CDC42BPA: variants seen among roughly 807,000 people sequenced by gnomAD.
CDC42BPA encodes the protein serine/threonine-protein kinase MRCK alpha.
Under a neutral mutation model 223.5 loss-of-function variants are expected in CDC42BPA, and 80 were observed. The observed-to-expected ratio is 0.36, with a 90% CI of 0.30 to 0.43. The LOEUF (loss-of-function observed/expected upper bound fraction) is 0.43. CDC42BPA is among the 20% of genes least tolerant of loss of function. The probability of loss-of-function intolerance (pLI) is 1.00; values close to 1 mark genes in which losing one functional copy is unlikely to be tolerated. For missense variants in CDC42BPA, 1,743 were observed against 2,099.9 expected (o/e 0.83, Z 3.32); for synonymous variants, 694 against 718.6 (o/e 0.97, Z 0.55).
chr1:227,193,087 G>GTTTTCT (rs1452125178), intron 5 of CDC42BPA, among the ~76,000 whole-genome samples: 1 of 118,504 alleles, frequency 8.4e-6, no homozygotes, highest in Non-Finnish European at 1.7e-5. Context: ...TTTTTTTTTG[G>GTTTTCT]AGACAGAGTC....
chr1:227,010,997 G>A (rs1403794247), intron 34 of CDC42BPA: 11 of 1,361,712 alleles, frequency 8.1e-6, no homozygotes, highest in Non-Finnish European at 1.1e-5. Context: ...TGATAGATGT[G>A]TTCAAAGTTG....
chr1:227,270,898 G>T (rs1375915707), intron 1 of CDC42BPA, among the ~76,000 whole-genome samples: 2 of 152,182 alleles, frequency 1.3e-5, no homozygotes, highest in East Asian at 3.8e-4. Context: ...TGCACAGCAT[G>T]TGTCAGAAAT....
chr1:227,145,437 C>A, intron 8 of CDC42BPA, 52 bp downstream of exon 8: 2 of 1,521,248 alleles, frequency 1.3e-6, no homozygotes, highest in Non-Finnish European at 1.8e-6. Context: ...TACTATATAA[C>A]CATAGTAGAA....
intron 1 of CDC42BPA, among the ~76,000 whole-genome samples, chr1:227,275,832 A>G (rs12741049): frequency 0.15 from 22,845 of 152,196 alleles, 2,087 homozygotes; most frequent in African/African-American, 0.24. Context: ...TCCAGCTCCT[A>G]ACCGCGAGTG....
chr1:227,113,854 A>C (rs1302000249), intron 12 of CDC42BPA, among the ~76,000 whole-genome samples: 1 of 149,686 alleles, frequency 6.7e-6, no homozygotes, highest in Admixed American at 6.7e-5. Context: ...CTCTACAAAA[A>C]ATAACAATGT....
At chr1:227,193,678 C>A in intron 5 of CDC42BPA, 108 bp downstream of exon 5, 2 of 916,440 alleles carry the variant, frequency 2.2e-6, no homozygotes, top group South Asian at 2.3e-5. Flanking sequence ...TTTTGGTTGA[C>A]GATAAATGTA....
chr1:227,258,939 T>C (rs16847534), intron 1 of CDC42BPA, among the ~76,000 whole-genome samples: 1,808 of 151,098 alleles, frequency 0.012, 156 homozygotes, highest in African/African-American at 0.042. Context: ...TTGACAAAAA[T>C]CAAGGGCATA....
chr1:227,070,370 A>G (rs1298235659), intron 20 of CDC42BPA, among the ~76,000 whole-genome samples: 1 of 151,112 alleles, frequency 6.6e-6, no homozygotes, highest in African/African-American at 2.4e-5. Flanking sequence ...TGAAGACTCC[A>G]AACCCCAGTT....
chr1:227,309,612 C>T (rs1388676965), intron 1 of CDC42BPA, among the ~76,000 whole-genome samples: 1 of 152,130 alleles, frequency 6.6e-6, no homozygotes, highest in Non-Finnish European at 1.5e-5. Flanking sequence ...ATGATATTTT[C>T]CTCTTAAAAA....
intron 10 of CDC42BPA, among the ~76,000 whole-genome samples, chr1:227,130,812 G>GC (rs1295989821): frequency 6.6e-6 from 1 of 152,108 alleles, no homozygotes; most frequent in Non-Finnish European, 1.5e-5. Flanking sequence ...CTGAGATCAT[G>GC]CCACTACACC....
At chr1:227,179,525 A>G (rs943411000) in intron 5 of CDC42BPA, among the ~76,000 whole-genome samples, 6 of 149,404 alleles carry the variant, frequency 4.0e-5, no homozygotes, top group African/African-American at 1.2e-4. Context: ...AGTCCCAGCT[A>G]CTCAGGAGGC....
At chr1:227,234,884 C>T (rs1368089927) in intron 2 of CDC42BPA, 1 of 151,724 alleles carries the variant, frequency 6.6e-6, no homozygotes, top group Non-Finnish European at 1.5e-5. Flanking sequence ...AATACGTAAA[C>T]TTTCTTAAAA....
intron 4 of CDC42BPA, among the ~76,000 whole-genome samples, chr1:227,196,171 C>A (rs1670647898): frequency 6.6e-6 from 1 of 151,586 alleles, no homozygotes; most frequent in Non-Finnish European, 1.5e-5. Context: ...AGTTATGTGT[C>A]CCAAAATGAG....
At chr1:227,047,862 A>T in intron 23 of CDC42BPA, 65 bp downstream of exon 23, 2 of 834,692 alleles carry the variant, frequency 2.4e-6, no homozygotes, top group East Asian at 2.5e-5. Flanking sequence ...AATCACAGCA[A>T]ATGCATAGAG....
At chr1:227,310,641 GAAGAA>G (rs1271439577) in intron 1 of CDC42BPA, among the ~76,000 whole-genome samples, 1 of 151,732 alleles carries the variant, frequency 6.6e-6, no homozygotes, top group Non-Finnish European at 1.5e-5. Context: ...CATTAATGGA[GAAGAA>G]AAGGAAGTCC....
chr1:227,173,212 C>T (rs995756310), intron 5 of CDC42BPA, among the ~76,000 whole-genome samples: 8 of 152,098 alleles, frequency 5.3e-5, no homozygotes, highest in Non-Finnish European at 8.8e-5. Flanking sequence ...ACATTCAAAC[C>T]GATACTATTG....
At chr1:227,141,640 C>T (rs1246505399) in intron 9 of CDC42BPA, among the ~76,000 whole-genome samples, 1 of 152,126 alleles carries the variant, frequency 6.6e-6, no homozygotes. Context: ...ACAGAGGTTT[C>T]AAACTCAAGT....
At chr1:227,014,443 A>C (rs899662663) in intron 34 of CDC42BPA, among the ~76,000 whole-genome samples, 4 of 152,144 alleles carry the variant, frequency 2.6e-5, no homozygotes, top group African/African-American at 9.7e-5. Context: ...GGTAATAAGA[A>C]TGTCACATTC....
rs190798643 is a variant in CDC42BPA, at chr1:227,032,728, C to T, written c.3558+606G>A. Among the ~76,000 whole-genome samples, 25 of 152,292 alleles carry T rather than the reference C, an allele frequency of 1.6e-4. No individual in the cohort carries two copies. The East Asian group carries it at 2.7e-3, about 16-fold the overall frequency. On this transcript the variant is annotated intron_variant, in intron 27 of 36. Coordinates refer to ENST00000366766, the MANE Select transcript of CDC42BPA (RefSeq NM_001394014.1). ...CTGGGAGCTCAGCCAGCCTACCTGA[C>T]GACCAGAGACCACATGGAGGGAGTT...
Sources: allele counts gnomAD v4.1 joint callset (sites outside exome capture counted in the v4.1 genomes callset), GRCh38; gene constraint gnomAD v4.1.1; transcripts MANE v1.5; gene names NCBI Gene and HGNC (gene_info 2026-07-23, HGNC 2026-07-21).